CERS6: variants seen among roughly 807,000 people sequenced by gnomAD.
CERS6 encodes ceramide synthase 6.
CERS6 carries 26 observed loss-of-function variants against 56.8 expected under a neutral mutation model. The observed-to-expected ratio is 0.46, with a 90% CI of 0.34 to 0.63. The LOEUF (loss-of-function observed/expected upper bound fraction) is 0.63, where lower values mean the gene tolerates loss of function less well. Ranked by LOEUF, CERS6 falls within the 30% of genes least tolerant of loss-of-function variation. The pLI is 0.01. For missense variants in CERS6, 415 were observed against 467.5 expected (o/e 0.89, Z 1.04); for synonymous variants, 164 against 173.3 (o/e 0.95, Z 0.42).
At chr2:168,688,202 T>G (rs1686404360) in intron 4 of CERS6, among the ~76,000 whole-genome samples, 1 of 152,174 alleles carries the variant, frequency 6.6e-6, no homozygotes, top group South Asian at 2.1e-4. Flanking sequence ...TCCTCTATGA[T>G]GTCTAAATAT....
At chr2:168,737,245 A>G (rs1042206881) in intron 8 of CERS6, among the ~76,000 whole-genome samples, 10 of 152,178 alleles carry the variant, frequency 6.6e-5, no homozygotes, top group Non-Finnish European at 1.0e-4. Context: ...GAAAAACACA[A>G]TGAAAACCTT....
chr2:168,735,750 C>G (rs917768859), intron 8 of CERS6, among the ~76,000 whole-genome samples: 3 of 151,398 alleles, frequency 2.0e-5, no homozygotes, highest in Non-Finnish European at 4.4e-5. Flanking sequence ...GGCGTGATGT[C>G]ACATACCTGT....
intron 1 of CERS6, among the ~76,000 whole-genome samples, chr2:168,544,221 T>G (rs564869525): frequency 4.6e-5 from 7 of 152,298 alleles, no homozygotes; most frequent in African/African-American, 1.7e-4. Context: ...TCTCTCACTG[T>G]CTGTCTCTGC....
intron 2 of CERS6, among the ~76,000 whole-genome samples, chr2:168,556,090 T>TAA: frequency 6.6e-6 from 1 of 152,210 alleles, no homozygotes; most frequent in Non-Finnish European, 1.5e-5. Context: ...TCTAACATAC[T>TAA]CTTAACAGGA....
chr2:168,553,656 T>A (rs1695617437), intron 2 of CERS6, among the ~76,000 whole-genome samples: 1 of 152,242 alleles, frequency 6.6e-6, no homozygotes, highest in African/African-American at 2.4e-5. Flanking sequence ...TTTAGGGATA[T>A]TATTCCATGA....
intron 3 of CERS6, among the ~76,000 whole-genome samples, chr2:168,628,739 T>A (rs941922765): frequency 1.1e-4 from 17 of 152,354 alleles, no homozygotes; most frequent in East Asian, 5.8e-4. Flanking sequence ...CAGGGTGATA[T>A]GCAGATGAAG....
intron 4 of CERS6, among the ~76,000 whole-genome samples, chr2:168,677,362 T>A (rs748850764): frequency 3.9e-5 from 6 of 152,210 alleles, no homozygotes; most frequent in East Asian, 1.9e-4. Flanking sequence ...CTCTTTTTTA[T>A]ACTGCATAGT....
intron 8 of CERS6, among the ~76,000 whole-genome samples, chr2:168,744,069 G>C (rs1293033509): frequency 1.4e-5 from 2 of 142,298 alleles, no homozygotes; most frequent in Non-Finnish European, 3.0e-5. Flanking sequence ...GCAGTGGCGG[G>C]ATCTGGGCTC....
chr2:168,714,191 C>T (rs1035650620), intron 6 of CERS6, among the ~76,000 whole-genome samples: 3 of 152,180 alleles, frequency 2.0e-5, no homozygotes, highest in Non-Finnish European at 4.4e-5. Flanking sequence ...AGGGTTCTGG[C>T]CTCATGCCCT....
chr2:168,646,404 A>C (rs968668228), intron 4 of CERS6, among the ~76,000 whole-genome samples: 3 of 151,732 alleles, frequency 2.0e-5, no homozygotes, highest in Non-Finnish European at 4.4e-5. Context: ...TTCTCTTGTA[A>C]ATTTGTTTAA....
At chr2:168,657,979 A>AC (rs1685533561) in intron 4 of CERS6, among the ~76,000 whole-genome samples, 1 of 152,170 alleles carries the variant, frequency 6.6e-6, no homozygotes, top group South Asian at 2.1e-4. Context: ...GGCTCTGAGG[A>AC]CTGCCAGCAC....
rs147270142 is a variant in CERS6, at chr2:168,474,520, G to A, written c.170+17902G>A. ...TGACTTATCCTGCAGCAAATAGAAT[G>A]TAATTTTGGTAAACTTAATCTATAA... On this transcript the variant is annotated intron_variant, in intron 1 of 9. Coordinates refer to ENST00000305747, the MANE Select transcript of CERS6 (RefSeq NM_203463.3). 2.9e-3 allele frequency among the ~76,000 whole-genome samples: 444 copies of A among 152,266 alleles called. 3 individuals are homozygous for A. Among genetic ancestry groups the A allele is most frequent in the Non-Finnish European group, 4.9e-3 (331 of 68,016 alleles).
chr2:168,736,353 A>C (rs941394024), intron 8 of CERS6, among the ~76,000 whole-genome samples: 2 of 152,126 alleles, frequency 1.3e-5, no homozygotes, highest in East Asian at 3.9e-4. Flanking sequence ...AAAAGACAGA[A>C]TCTTGCTCTG....
intron 1 of CERS6, among the ~76,000 whole-genome samples, chr2:168,502,896 G>C (rs1194087872): frequency 2.0e-5 from 3 of 152,190 alleles, no homozygotes; most frequent in East Asian, 3.9e-4. Context: ...ATAAAATCTG[G>C]ATTGGATAAG....
chr2:168,642,362 C>A (rs1357994253), intron 4 of CERS6, among the ~76,000 whole-genome samples: 1 of 152,250 alleles, frequency 6.6e-6, no homozygotes, highest in Middle Eastern at 3.4e-3. Flanking sequence ...AAAAGATCTA[C>A]CCTCAGAATG....
chr2:168,528,871 A>G (rs1695116680), intron 1 of CERS6, among the ~76,000 whole-genome samples: 1 of 152,260 alleles, frequency 6.6e-6, no homozygotes, highest in Admixed American at 6.5e-5. Flanking sequence ...AATGAAATTA[A>G]GAGAATTGAA....
At chr2:168,462,192 A>G (rs967320979) in intron 1 of CERS6, among the ~76,000 whole-genome samples, 1 of 151,912 alleles carries the variant, frequency 6.6e-6, no homozygotes, top group African/African-American at 2.4e-5. Context: ...AAATTTTATT[A>G]TTTTTTTTCC....
At chr2:168,633,627 A>G (rs905223816) in intron 4 of CERS6, among the ~76,000 whole-genome samples, 2 of 152,158 alleles carry the variant, frequency 1.3e-5, no homozygotes, top group Non-Finnish European at 2.9e-5. Flanking sequence ...GCTTATTTGT[A>G]GAACTTTAAA....
intron 1 of CERS6, among the ~76,000 whole-genome samples, chr2:168,543,944 A>G (rs1695417209): frequency 6.6e-6 from 1 of 152,200 alleles, no homozygotes; most frequent in Admixed American, 6.5e-5. Flanking sequence ...ATATTCAAGG[A>G]AATTAAAATG....
Sources: allele counts gnomAD v4.1 joint callset (sites outside exome capture counted in the v4.1 genomes callset), GRCh38; gene constraint gnomAD v4.1.1; transcripts MANE v1.5; gene names NCBI Gene and HGNC (gene_info 2026-07-23, HGNC 2026-07-21).